Variants in CNTN5 observed in about 807,000 individuals in gnomAD.
CNTN5 encodes the protein contactin-5.
CNTN5 carries 77 observed loss-of-function variants against 129.1 expected under a neutral mutation model. That is an observed-to-expected ratio of 0.60 (90% CI 0.50 to 0.72). The LOEUF (loss-of-function observed/expected upper bound fraction) is 0.72. Ranked by LOEUF, CNTN5 falls within the 30% of genes least tolerant of loss-of-function variation. The pLI is 0.00. For synonymous variants in CNTN5, 509 were observed against 465.6 expected (o/e 1.09, Z -1.20); for missense variants, 1,478 against 1,328.8 (o/e 1.11, Z -1.75).
At chr11:99,639,711 T>A (rs1951700214) in intron 3 of CNTN5, among the ~76,000 whole-genome samples, 1 of 151,970 alleles carries the variant, frequency 6.6e-6, no homozygotes, top group Admixed American at 6.6e-5. Flanking sequence ...ATTACAGGCA[T>A]GAGCCACTAC....
At chr11:100,148,415 C>G (rs563354556) in intron 13 of CNTN5, among the ~76,000 whole-genome samples, 2 of 152,272 alleles carry the variant, frequency 1.3e-5, no homozygotes, top group South Asian at 4.1e-4. Context: ...AGACAAATAG[C>G]CATAGCCTCT....
chr11:99,932,334 A>G (rs914709650), intron 7 of CNTN5, among the ~76,000 whole-genome samples: 1 of 152,082 alleles, frequency 6.6e-6, no homozygotes, highest in Non-Finnish European at 1.5e-5. Flanking sequence ...CTGAGATTGC[A>G]GGCACCCACC....
chr11:99,261,661 A>G (rs1285032800), intron 1 of CNTN5, among the ~76,000 whole-genome samples: 1 of 152,026 alleles, frequency 6.6e-6, no homozygotes, highest in East Asian at 1.9e-4. Context: ...ATGCATACAC[A>G]TTTGTCAGTT....
Position 100,125,384 on chromosome 11 carries a change from C to T in CNTN5, c.1580+51090C>T, listed in dbSNP as rs879370887. Among the ~76,000 whole-genome samples the T allele has an allele frequency of 4.6e-5, 7 of 151,940 alleles. No individual in the cohort carries two copies. The South Asian group carries it at 8.3e-4, about 18-fold the overall frequency. ...CATCTTTATGTCCATGTGTACTCAT[C>T]GTTCAGTTGCCACTTATAAGTGAAA... On this transcript the variant is annotated intron_variant, in intron 13 of 24. Transcript: ENST00000524871.
At chr11:99,126,967 C>T (rs1419950990) in intron 1 of CNTN5, among the ~76,000 whole-genome samples, 4 of 152,128 alleles carry the variant, frequency 2.6e-5, no homozygotes. Context: ...TAGGAAGTGG[C>T]ACTCTCAGGG....
intron 1 of CNTN5, among the ~76,000 whole-genome samples, chr11:99,045,856 G>A (rs577647308): frequency 4.6e-5 from 7 of 152,302 alleles, no homozygotes; most frequent in Middle Eastern, 6.8e-3. Context: ...CTACTCTGCC[G>A]TAGGTGAGTA....
intron 3 of CNTN5, among the ~76,000 whole-genome samples, chr11:99,736,791 C>G (rs1183897499): frequency 2.0e-5 from 3 of 151,940 alleles, no homozygotes; most frequent in Non-Finnish European, 2.9e-5. Flanking sequence ...AATACCTACT[C>G]AAAGTAATTA....
At chr11:100,247,088 G>A (rs997853307) in intron 16 of CNTN5, among the ~76,000 whole-genome samples, 1 of 152,146 alleles carries the variant, frequency 6.6e-6, no homozygotes, top group Non-Finnish European at 1.5e-5. Flanking sequence ...ATGCAATACA[G>A]GAATTTTACT....
intron 1 of CNTN5, among the ~76,000 whole-genome samples, chr11:99,253,940 C>T (rs115650303): frequency 0.016 from 2,224 of 142,440 alleles, 55 homozygotes; most frequent in African/African-American, 0.055. Flanking sequence ...AGAACATATG[C>T]ATAGGCTCTA....
intron 18 of CNTN5, among the ~76,000 whole-genome samples, chr11:100,285,099 A>C (rs980642441): frequency 1.3e-5 from 2 of 152,238 alleles, no homozygotes; most frequent in African/African-American, 2.4e-5. Flanking sequence ...CTGGCACATG[A>C]TAAATGCTCA....
chr11:99,130,539 A>G (rs555421941), intron 1 of CNTN5, among the ~76,000 whole-genome samples: 6 of 152,268 alleles, frequency 3.9e-5, no homozygotes, highest in Admixed American at 2.6e-4. Context: ...CCCTACTGTC[A>G]GTATGAGATC....
intron 2 of CNTN5, among the ~76,000 whole-genome samples, chr11:99,438,542 A>C (rs925564931): frequency 1.3e-5 from 2 of 151,212 alleles, no homozygotes; most frequent in Admixed American, 6.6e-5. Flanking sequence ...ATCTCTTCAT[A>C]TCTCTCTCTC....
At chr11:99,306,746 GATAATAATAATA>G (rs3084742) in intron 1 of CNTN5, among the ~76,000 whole-genome samples, 22,813 of 146,984 alleles carry the variant, frequency 0.16, 1,980 homozygotes, top group South Asian at 0.26. Flanking sequence ...AAATAATGAT[GATAATAATAATA>G]ATAATAATAA....
intron 1 of CNTN5, among the ~76,000 whole-genome samples, chr11:99,098,978 C>T (rs1378924433): frequency 6.6e-6 from 1 of 152,074 alleles, no homozygotes; most frequent in Non-Finnish European, 1.5e-5. Context: ...TTAGAAACTG[C>T]AACTCTAGTG....
chr11:99,860,131 G>C (rs1238540120), intron 6 of CNTN5, among the ~76,000 whole-genome samples: 1 of 152,080 alleles, frequency 6.6e-6, no homozygotes, highest in Non-Finnish European at 1.5e-5. Context: ...TTTATTGGCT[G>C]CTTGTTTGTA....
intron 1 of CNTN5, among the ~76,000 whole-genome samples, chr11:99,161,898 A>C (rs951253998): frequency 2.0e-5 from 3 of 151,962 alleles, no homozygotes; most frequent in African/African-American, 7.3e-5. Context: ...TCTCCTCATC[A>C]CTCTTCAAGT....
chr11:99,409,054 G>A (rs1942265601), intron 2 of CNTN5, among the ~76,000 whole-genome samples: 1 of 152,170 alleles, frequency 6.6e-6, no homozygotes, highest in Non-Finnish European at 1.5e-5. Flanking sequence ...TAGTGAATTA[G>A]TTTGTTGTAA....
chr11:99,109,004 G>A (rs1398046720), intron 1 of CNTN5, among the ~76,000 whole-genome samples: 3 of 151,228 alleles, frequency 2.0e-5, no homozygotes, highest in Admixed American at 2.0e-4. Flanking sequence ...GTAAGTAAAT[G>A]TAGATACACA....
intron 3 of CNTN5, among the ~76,000 whole-genome samples, chr11:99,612,513 C>A (rs2220834): frequency 0.19 from 28,834 of 152,066 alleles, 2,925 homozygotes; most frequent in African/African-American, 0.2. Flanking sequence ...TATTGAACAT[C>A]TATTATAGTA....
Sources: gnomAD v4.1 joint callset for allele counts (sites outside exome capture counted in the v4.1 genomes callset) on GRCh38, gnomAD v4.1.1 for gene constraint, MANE v1.5 for transcripts, NCBI Gene and HGNC (gene_info 2026-07-23, HGNC 2026-07-21) for gene names.